Variants in MYCBPAP observed in about 807,000 individuals in gnomAD.
MYCBPAP encodes MYCBP associated protein, also known as MYCBP-associated protein.
MYCBPAP carries 60 observed loss-of-function variants against 106.1 expected under a neutral mutation model. That is an observed-to-expected ratio of 0.57 (90% CI 0.46 to 0.70). The LOEUF (loss-of-function observed/expected upper bound fraction) is 0.70, where lower values mean the gene tolerates loss of function less well. MYCBPAP is among the 30% of genes least tolerant of loss of function. MYCBPAP has a pLI of 0.00. For missense variants in MYCBPAP, 1,064 were observed against 1,169.3 expected, an observed-to-expected ratio of 0.91 and a Z score of 1.31; for synonymous variants, 407 against 440.6, an observed-to-expected ratio of 0.92 and a Z score of 0.95.
At chr17:50,518,939 C>G (rs552309985) in intron 5 of MYCBPAP, 35 bp from the exon 6 acceptor site, 8 of 1,589,556 alleles carry the variant, frequency 5.0e-6, no homozygotes, top group Non-Finnish European at 6.9e-6. Context: ...TGTTCTGGTT[C>G]GGCAGAGTGG....
chr17:50,522,487 G>A (rs2034293204), intron 10 of MYCBPAP: 1 of 164,056 alleles, frequency 6.1e-6, no homozygotes, highest in African/African-American at 2.4e-5. Flanking sequence ...CTGACATCAG[G>A]AGTTCAAGAC....
chr17:50,530,108 T>C (rs112927983), intron 18 of MYCBPAP: 4 of 359,858 alleles, frequency 1.1e-5, no homozygotes, highest in Admixed American at 7.3e-5. Context: ...CACTAAGATA[T>C]CAGATGGTTG....
At chr17:50,521,664 G>A (rs190472387) in intron 9 of MYCBPAP, among the ~76,000 whole-genome samples, 17 of 152,254 alleles carry the variant, frequency 1.1e-4, no homozygotes, top group Non-Finnish European at 2.4e-4. Flanking sequence ...TCCCTTGCTG[G>A]TCAACTGAGG....
Position 50,526,198 on chromosome 17 carries a change from C to T in MYCBPAP, c.2100C>T (p.Thr700=). The T allele has an allele frequency of 1.2e-6, 2 of 1,613,450 alleles. No homozygotes were observed. The highest frequency in any genetic ancestry group is 1.7e-5 in the Admixed American group (1 of 60,012). Residue 700 remains threonine (T), a synonymous_variant, in exon 14 of 19, where the codon ACC becomes ACT. Transcript: ENST00000323776. The part of the protein sequence containing the change: ...LVEESPDVDS[T]KSPWEPDGLP... ...AGGAAAGCCCAGATGTGGACAGCACCAAGAGCCCCTGGGAGCCGGATGGCC... is the reference window on the plus strand; with the variant it reads ...AGGAAAGCCCAGATGTGGACAGCACTAAGAGCCCCTGGGAGCCGGATGGCC...
intron 6 of MYCBPAP, chr17:50,519,305 G>C (rs748350421): frequency 1.0e-5 from 6 of 589,648 alleles, no homozygotes; most frequent in Non-Finnish European, 1.8e-5. Flanking sequence ...CAGGTAGCAA[G>C]TTATTAGAGT....
At chr17:50,509,048 A>AT (rs1336702929) in intron 1 of MYCBPAP, 1 of 702,884 alleles carries the variant, frequency 1.4e-6, no homozygotes, top group African/African-American at 1.7e-5. Context: ...TTAGGGTGGC[A>AT]TGCAGGAGGC....
At chr17:50,522,709 A>AAAAAAAAAAAAAAAAATAT in intron 10 of MYCBPAP, 1 of 50,014 alleles carries the variant, frequency 2.0e-5, no homozygotes, top group Non-Finnish European at 3.4e-5. Context: ...AAAAAAAAAA[A>AAAAAAAAAAAAAAAAATAT]ATATATATAT....
intron 10 of MYCBPAP, 23 bp downstream of exon 10, chr17:50,522,104 T>A (rs1162424033): frequency 6.3e-7 from 1 of 1,595,616 alleles, no homozygotes; most frequent in Non-Finnish European, 8.6e-7. Flanking sequence ...CCACCACACC[T>A]GCTGGGAGAG....
At position 50,529,075 on chromosome 17, in the gene MYCBPAP, G is replaced by C; in HGVS notation, c.2611G>C (p.Ala871Pro). Residue 871 changes from alanine to proline, a missense_variant, in exon 18 of 19, where the codon GCA becomes CCA. By Grantham distance (27) the Ala-to-Pro change is conservative. Coordinates refer to ENST00000323776, the MANE Select transcript of MYCBPAP (RefSeq NM_032133.6). ...GGATGACAAGAAAGTCATAAAATCT[G>C]CAAGTCAGGACAGGTTTTCTTTGGA... is the stretch of plus-strand genomic sequence containing the variant. ...AKDDKKVIKS[A>P]SQDRFSLEDP... The C allele has an allele frequency of 6.2e-7, 1 of 1,614,166 alleles. No individual in the cohort carries two copies. The highest frequency in any genetic ancestry group is 8.5e-7 in the Non-Finnish European group (1 of 1,180,032).
chr17:50,512,521 A>G (rs550866363), intron 1 of MYCBPAP, among the ~76,000 whole-genome samples: 2 of 152,282 alleles, frequency 1.3e-5, no homozygotes, highest in South Asian at 4.1e-4. Context: ...CCACCTCTGC[A>G]GCTGTTCCTC....
intron 18 of MYCBPAP, 137 bp from the exon 19 acceptor site, chr17:50,531,190 A>G (rs1175914258): frequency 6.7e-6 from 4 of 595,290 alleles, no homozygotes; most frequent in Non-Finnish European, 1.1e-5. Context: ...TTATTTCACA[A>G]GAACTTTGAA....
At position 50,518,531 on chromosome 17, in the gene MYCBPAP, T is replaced by C; in HGVS notation, c.469-10T>C. 6.4e-7 allele frequency: 1 copy of C among 1,559,122 alleles called. No individual in the cohort carries two copies. The highest frequency in any genetic ancestry group is 8.6e-7 in the Non-Finnish European group (1 of 1,157,396). On this transcript the variant is annotated splice_polypyrimidine_tract_variant and intron_variant, in intron 4 of 18. Coordinates refer to ENST00000323776, the MANE Select transcript of MYCBPAP (RefSeq NM_032133.6). ...TACTGCCCTCCACATACCTATGTTG[T>C]ACTTTTCAGCTGGCTGAGCGGATAC...
chr17:50,516,414 AGGCCACCTT>A (rs200018751), intron 1 of MYCBPAP, among the ~76,000 whole-genome samples, 147 bp from the exon 2 acceptor site: 1,637 of 152,334 alleles, frequency 0.011, 35 homozygotes, highest in African/African-American at 0.038. Context: ...AGTGCTACCC[AGGCCACCTT>A]GGCAGCCTCT....
At chr17:50,512,056 T>TTC (rs1165969859) in intron 1 of MYCBPAP, among the ~76,000 whole-genome samples, 27 of 149,496 alleles carry the variant, frequency 1.8e-4, no homozygotes, top group Non-Finnish European at 3.3e-4. Context: ...AAGTTTTCTT[T>TTC]TTTTTTTTTT....
chr17:50,526,440 T>TTTA (rs2034465965), intron 14 of MYCBPAP, among the ~76,000 whole-genome samples, 173 bp downstream of exon 14: 1 of 57,386 alleles, frequency 1.7e-5, no homozygotes, highest in Non-Finnish European at 3.5e-5. Context: ...TTATTTATTT[T>TTTA]TGAGACGAAG....
intron 14 of MYCBPAP, 49 bp downstream of exon 14, chr17:50,526,316 A>G: frequency 6.6e-7 from 1 of 1,523,782 alleles, no homozygotes; most frequent in South Asian, 1.3e-5. Context: ...TCCTGCCTCG[A>G]ACCAACAAGG....
rs2034236371 is a variant in MYCBPAP, at chr17:50,520,983, G to A, written c.917-127G>A. On this transcript the variant is annotated intron_variant, in intron 7 of 18. Coordinates refer to ENST00000323776, the MANE Select transcript of MYCBPAP (RefSeq NM_032133.6). Reference sequence around the variant, plus strand: ...GGAGAACGGGAGTCTAGCTGCCACAGGGAAGCTGTATTTTTAGTCCTTCCT... The same window carrying A: ...GGAGAACGGGAGTCTAGCTGCCACAAGGAAGCTGTATTTTTAGTCCTTCCT... 8 of 713,678 alleles carry A rather than the reference G, an allele frequency of 1.1e-5. No homozygotes were observed. The East Asian group carries it at 2.2e-4, about 19-fold the overall frequency. 44.2% of individuals were successfully genotyped at this position (713,678 alleles called of 1,614,324 possible).
At chr17:50,528,364 G>C in intron 16 of MYCBPAP, 94 bp downstream of exon 16, 1 of 1,114,218 alleles carries the variant, frequency 9.0e-7, no homozygotes, top group Non-Finnish European at 1.3e-6. Flanking sequence ...ATACTCCTTT[G>C]GTGGAAGCTC....
In MYCBPAP at chr17:50,522,726, T is replaced by TATATATATATATATATATA. The variant is rs56247158; in HGVS notation, c.1258-213_1258-212insATATATATATATATATATA. The TATATATATATATATATATA allele has an allele frequency of 1.0e-3, 68 of 65,196 alleles. 7 individuals carry two copies. The highest frequency in any genetic ancestry group is 5.3e-3 in the African/African-American group (54 of 10,180). 4.0% of individuals were successfully genotyped at this position (65,196 alleles called of 1,614,324 possible). On this transcript the variant is annotated intron_variant, in intron 10 of 18. Transcript: ENST00000323776. ...AAAAAAAAAATATATATATATATAT[T>TATATATATATATATATATA]TGTTTTATCTTCTCTTCTTGCTATT...
Sources: allele counts gnomAD v4.1 joint callset (sites outside exome capture counted in the v4.1 genomes callset), GRCh38; gene constraint gnomAD v4.1.1; transcripts MANE v1.5; gene names NCBI Gene and HGNC (gene_info 2026-07-23, HGNC 2026-07-21).